IQCM: variants seen among roughly 807,000 people sequenced by gnomAD.
IQCM encodes IQ domain-containing protein M.
IQCM carries 45 observed loss-of-function variants against 57.6 expected under a neutral mutation model. The ratio of observed to expected loss-of-function variants is 0.78; its 90% CI spans 0.62 to 1.00. The LOEUF (loss-of-function observed/expected upper bound fraction) is 1.00. Ranked by LOEUF, IQCM falls within the 50% of genes least tolerant of loss-of-function variation. The pLI is 0.00. For synonymous variants in IQCM, 148 were observed against 158.9 expected (o/e 0.93, Z 0.51); for missense variants, 468 against 511.6 (o/e 0.91, Z 0.82).
intron 13 of IQCM, among the ~76,000 whole-genome samples, chr4:149,409,822 G>A (rs1298075423): frequency 6.6e-6 from 1 of 152,184 alleles, no homozygotes; most frequent in Admixed American, 6.5e-5. Flanking sequence ...GCAATAGCCT[G>A]TTATTGGTCT....
intron 2 of IQCM, among the ~76,000 whole-genome samples, chr4:149,805,921 T>A (rs921186580): frequency 5.9e-5 from 9 of 151,920 alleles, no homozygotes; most frequent in African/African-American, 1.9e-4. Flanking sequence ...AAATTATTTG[T>A]TTTTTGATGT....
In IQCM at chr4:149,433,474, G is replaced by A. The variant is rs1735058486; in HGVS notation, c.1312C>T (p.His438Tyr). The change falls in exon 13 of 14, where the codon CAT (histidine) becomes TAT (tyrosine). Residue 438 changes from histidine (H) to tyrosine (Y), a missense_variant. His to Tyr is a moderately conservative substitution (Grantham distance 83). Coordinates refer to ENST00000636793, the MANE Select transcript of IQCM (RefSeq NM_001363507.2). ...LFTLYPPEGAHVPDSTLLKST... is the reference protein window; with the variant it reads ...LFTLYPPEGAYVPDSTLLKST... ...TTGAGTAGTGTACTGTCAGGCACAT[G>A]TGCACCTTCAGGAGGATAGAGTGTA... 1.6e-6 allele frequency: 2 copies of A among 1,218,070 alleles called. No homozygotes were observed. Among genetic ancestry groups the A allele is most frequent in the Admixed American group, 4.2e-5 (1 of 23,608 alleles). The allele number at this position is 1,218,070 out of a possible 1,614,324, so 75.5% of individuals were successfully genotyped here.
intron 7 of IQCM, among the ~76,000 whole-genome samples, chr4:149,651,365 G>T (rs1428008978): frequency 6.6e-6 from 1 of 152,172 alleles, no homozygotes; most frequent in African/African-American, 2.4e-5. Flanking sequence ...AGTTGAAGCA[G>T]GGGTAAGAAG....
intron 8 of IQCM, among the ~76,000 whole-genome samples, chr4:149,594,618 C>T (rs1007894138): frequency 1.6e-4 from 25 of 152,186 alleles, no homozygotes; most frequent in Non-Finnish European, 3.1e-4. Flanking sequence ...CCTCTACAAA[C>T]TGCTTTAAAT....
At chr4:149,618,210 C>G (rs1196676214) in intron 8 of IQCM, among the ~76,000 whole-genome samples, 1 of 152,044 alleles carries the variant, frequency 6.6e-6, no homozygotes. Context: ...TTATTACAAC[C>G]AAGTGATCTT....
At chr4:149,751,662 C>T (rs1267406317) in intron 2 of IQCM, among the ~76,000 whole-genome samples, 1 of 152,140 alleles carries the variant, frequency 6.6e-6, no homozygotes, top group Non-Finnish European at 1.5e-5. Context: ...ACATTTATGA[C>T]AGGTCTACAC....
At chr4:149,568,955 G>A (rs557754937) in intron 9 of IQCM, among the ~76,000 whole-genome samples, 1 of 152,274 alleles carries the variant, frequency 6.6e-6, no homozygotes, top group African/African-American at 2.4e-5. Context: ...AGCTGGTCTT[G>A]TGAATCGGTC....
intron 13 of IQCM, among the ~76,000 whole-genome samples, chr4:149,422,988 C>T (rs900063211): frequency 7.2e-5 from 11 of 151,960 alleles, no homozygotes; most frequent in African/African-American, 2.7e-4. Flanking sequence ...ATGCATAGGA[C>T]ATTATAGTTG....
At chr4:149,492,794 A>C (rs1742235257) in intron 12 of IQCM, among the ~76,000 whole-genome samples, 1 of 152,118 alleles carries the variant, frequency 6.6e-6, no homozygotes, top group African/African-American at 2.4e-5. Context: ...TTACCCTTAC[A>C]AGAATAGCTT....
intron 8 of IQCM, among the ~76,000 whole-genome samples, chr4:149,593,693 T>C (rs1366739404): frequency 6.6e-6 from 1 of 152,132 alleles, no homozygotes; most frequent in African/African-American, 2.4e-5. Flanking sequence ...TCGATGGCCT[T>C]TTCTGCATCT....
chr4:149,443,527 C>G (rs564137935), intron 12 of IQCM, among the ~76,000 whole-genome samples: 1 of 151,596 alleles, frequency 6.6e-6, no homozygotes, highest in African/African-American at 2.4e-5. Flanking sequence ...TATAAAGACA[C>G]CAAAAAACAT....
Position 149,370,365 on chromosome 4 carries a change from T to G in IQCM, c.1391-18299A>C, listed in dbSNP as rs567924138. Among the ~76,000 whole-genome samples the G allele has an allele frequency of 3.2e-4, 49 of 152,318 alleles. 1 individual carries two copies. The South Asian group carries it at 9.9e-3, about 31-fold the overall frequency. On this transcript the variant is annotated intron_variant, in intron 13 of 13. Transcript: ENST00000636793. ...CAGAACCTACCTTCAAGGATTAGTA[T>G]AGGAATTTAAAGAGAAAATATACAT...
intron 13 of IQCM, among the ~76,000 whole-genome samples, chr4:149,380,380 C>A (rs1730993849): frequency 2.0e-5 from 3 of 152,130 alleles, no homozygotes; most frequent in African/African-American, 2.4e-5. Context: ...AGGTATGTAA[C>A]CTATTATTCC....
At chr4:149,675,413 A>AG (rs1368382539) in intron 7 of IQCM, among the ~76,000 whole-genome samples, 1 of 151,996 alleles carries the variant, frequency 6.6e-6, no homozygotes, top group Non-Finnish European at 1.5e-5. Flanking sequence ...AGGAAAAAAA[A>AG]CCAGCACCAC....
chr4:149,712,144 C>A (rs1036433197), intron 5 of IQCM, among the ~76,000 whole-genome samples: 12 of 144,526 alleles, frequency 8.3e-5, no homozygotes, highest in Middle Eastern at 7.1e-3. Context: ...ACTAATAGAT[C>A]CTTGGCTCCA....
chr4:149,527,796 G>C (rs1172643859), intron 12 of IQCM, among the ~76,000 whole-genome samples: 1 of 152,086 alleles, frequency 6.6e-6, no homozygotes, highest in Non-Finnish European at 1.5e-5. Flanking sequence ...CTGTGTTAAA[G>C]TAAACACAGC....
chr4:149,501,108 C>T (rs1743198974), intron 12 of IQCM, among the ~76,000 whole-genome samples: 1 of 152,198 alleles, frequency 6.6e-6, no homozygotes, highest in South Asian at 2.1e-4. Flanking sequence ...CATGCGGTTA[C>T]TTCCCTCTTC....
chr4:149,510,509 T>C (rs1744294139), intron 12 of IQCM, among the ~76,000 whole-genome samples: 1 of 152,190 alleles, frequency 6.6e-6, no homozygotes. Flanking sequence ...AAAGATAGTA[T>C]AGGGAATACT....
At chr4:149,797,217 A>G (rs1225399587) in intron 2 of IQCM, among the ~76,000 whole-genome samples, 1 of 152,148 alleles carries the variant, frequency 6.6e-6, no homozygotes, top group Non-Finnish European at 1.5e-5. Context: ...TAACAAAAAG[A>G]TTTAAATAGT....
Sources: gnomAD v4.1 joint callset for allele counts (sites outside exome capture counted in the v4.1 genomes callset) on GRCh38, gnomAD v4.1.1 for gene constraint, MANE v1.5 for transcripts, NCBI Gene and HGNC (gene_info 2026-07-23, HGNC 2026-07-21) for gene names.